Variants in FOCAD observed in about 807,000 individuals in gnomAD.
FOCAD encodes the protein KIAA1797.
Under a neutral mutation model 225.6 loss-of-function variants are expected in FOCAD, and 198 were observed. The ratio of observed to expected loss-of-function variants is 0.88; its 90% confidence interval spans 0.78 to 0.99. The LOEUF (loss-of-function observed/expected upper bound fraction) is 0.99, where lower values mean the gene tolerates loss of function less well. Ranked by LOEUF, FOCAD falls within the 50% of genes least tolerant of loss-of-function variation. The pLI is 0.00. For missense variants in FOCAD, 2,713 were observed against 2,123.6 expected, an observed-to-expected ratio of 1.28 and a Z score of -5.46; for synonymous variants, 897 against 755.0, an observed-to-expected ratio of 1.19 and a Z score of -3.08.
intron 23 of FOCAD, among the ~76,000 whole-genome samples, chr9:20,916,213 A>G (rs1833851504): frequency 6.6e-6 from 1 of 152,218 alleles, no homozygotes; most frequent in Non-Finnish European, 1.5e-5. Flanking sequence ...CCTTTTAAAA[A>G]AGTAAATTTG....
chr9:20,828,162 A>T (rs1371803256), intron 15 of FOCAD, among the ~76,000 whole-genome samples: 1 of 152,036 alleles, frequency 6.6e-6, no homozygotes. Context: ...CAAGAAAAAA[A>T]AAAAAAAGAG....
intron 4 of FOCAD, among the ~76,000 whole-genome samples, chr9:20,730,289 C>A (rs759972381): frequency 2.9e-4 from 44 of 151,854 alleles, no homozygotes; most frequent in Non-Finnish European, 4.9e-4. Context: ...TGTTTTTTTT[C>A]TTCACTTATT....
chr9:20,936,481 T>C (rs1224367126), intron 28 of FOCAD, among the ~76,000 whole-genome samples: 1 of 152,220 alleles, frequency 6.6e-6, no homozygotes, highest in Non-Finnish European at 1.5e-5. Context: ...GAGGAACTAG[T>C]GCCACTCACC....
intron 2 of FOCAD, among the ~76,000 whole-genome samples, chr9:20,678,738 C>T (rs895612684): frequency 3.3e-5 from 5 of 152,172 alleles, no homozygotes; most frequent in African/African-American, 9.7e-5. Context: ...GACCAAATGC[C>T]CCAAACACAG....
At chr9:20,803,264 G>A (rs920975465) in intron 11 of FOCAD, among the ~76,000 whole-genome samples, 7 of 152,018 alleles carry the variant, frequency 4.6e-5, no homozygotes, top group African/African-American at 1.7e-4. Context: ...GCCACCAGTG[G>A]CAGCTCCTTA....
chr9:20,852,885 G>A (rs990924903), intron 15 of FOCAD, among the ~76,000 whole-genome samples: 3 of 151,594 alleles, frequency 2.0e-5, no homozygotes, highest in Non-Finnish European at 4.4e-5. Flanking sequence ...CAACTTCCCA[G>A]TAGTTCGATT....
At chr9:20,670,567 C>T (rs1462037005) in intron 2 of FOCAD, among the ~76,000 whole-genome samples, 1 of 152,100 alleles carries the variant, frequency 6.6e-6, no homozygotes. Flanking sequence ...AGAATGCATT[C>T]ATTATCGCGA....
At position 20,693,006 on chromosome 9, in the gene FOCAD, C is replaced by T. The variant is rs553537113; in HGVS notation, c.-33+8713C>T. Among the ~76,000 whole-genome samples, 3 of 152,260 alleles carry T rather than the reference C, an allele frequency of 2.0e-5. No individual in the cohort carries two copies. The South Asian group carries it at 6.2e-4, about 32-fold the overall frequency. ...CCTTACAGTATTGTCAGAACAGCAG[C>T]CAGAGTGATTTTATAAAAACGTGAG... On this transcript the variant is annotated intron_variant, in intron 1 of 43. Transcript: ENST00000338382.
At chr9:20,909,145 A>T (rs550672074) in intron 22 of FOCAD, among the ~76,000 whole-genome samples, 61 of 152,258 alleles carry the variant, frequency 4.0e-4, no homozygotes, top group Middle Eastern at 3.4e-3. Flanking sequence ...TGATTAAAAA[A>T]AGCCATGAAT....
intron 1 of FOCAD, among the ~76,000 whole-genome samples, chr9:20,687,138 G>A (rs1025346444): frequency 4.6e-5 from 7 of 151,980 alleles, no homozygotes; most frequent in Non-Finnish European, 7.4e-5. Context: ...CAAAACCCTT[G>A]ACTTTAAATA....
chr9:20,813,450 A>G (rs937699480), intron 11 of FOCAD, among the ~76,000 whole-genome samples: 9 of 152,166 alleles, frequency 5.9e-5, no homozygotes, highest in African/African-American at 2.2e-4. Context: ...CATAGTGGCC[A>G]CACCTTTTTT....
intron 15 of FOCAD, among the ~76,000 whole-genome samples, chr9:20,832,832 G>T (rs561241932): frequency 1.3e-5 from 2 of 151,850 alleles, no homozygotes; most frequent in African/African-American, 2.4e-5. Flanking sequence ...TATGTATTAC[G>T]TTTTCTTTAT....
At chr9:20,729,318 T>C (rs190767428) in intron 4 of FOCAD, among the ~76,000 whole-genome samples, 46 of 152,312 alleles carry the variant, frequency 3.0e-4, no homozygotes, top group African/African-American at 1.0e-3. Flanking sequence ...CCTTGTGGCC[T>C]TGTAACTTCA....
intron 39 of FOCAD, 130 bp from the exon 40 acceptor site, chr9:20,986,158 A>C (rs1332259522): frequency 1.2e-6 from 1 of 831,766 alleles, no homozygotes; most frequent in Admixed American, 3.3e-5. Flanking sequence ...CAGATGGGTC[A>C]TGTGCTGCAG....
At chr9:20,730,218 A>G (rs1038154768) in intron 4 of FOCAD, among the ~76,000 whole-genome samples, 2 of 152,108 alleles carry the variant, frequency 1.3e-5, no homozygotes, top group African/African-American at 4.8e-5. Context: ...GCAGCTGTTG[A>G]TGCTCAGTGA....
chr9:20,870,031 A>G (rs541667267), intron 18 of FOCAD, among the ~76,000 whole-genome samples: 1 of 152,192 alleles, frequency 6.6e-6, no homozygotes, highest in African/African-American at 2.4e-5. Flanking sequence ...AAAAACAAAC[A>G]AAAAAACTAT....
intron 8 of FOCAD, among the ~76,000 whole-genome samples, chr9:20,776,613 C>T (rs1482656206): frequency 6.6e-6 from 1 of 152,192 alleles, no homozygotes; most frequent in Non-Finnish European, 1.5e-5. Flanking sequence ...CAGTCTCACC[C>T]TTCCTGGAGA....
At chr9:20,862,019 G>A (rs183091829) in intron 15 of FOCAD, among the ~76,000 whole-genome samples, 8 of 151,900 alleles carry the variant, frequency 5.3e-5, no homozygotes, top group African/African-American at 1.9e-4. Context: ...TTAAAAAACC[G>A]GAATTAACTT....
chr9:20,675,762 G>A (rs899960197), intron 2 of FOCAD, among the ~76,000 whole-genome samples: 4 of 152,174 alleles, frequency 2.6e-5, no homozygotes, highest in African/African-American at 9.7e-5. Context: ...CTTTCAGTGA[G>A]ATCTGTTGTT....
Sources: gnomAD v4.1 joint callset for allele counts (sites outside exome capture counted in the v4.1 genomes callset) on GRCh38, gnomAD v4.1.1 for gene constraint, MANE v1.5 for transcripts, NCBI Gene and HGNC (gene_info 2026-07-23, HGNC 2026-07-21) for gene names.